The following MYO3B variants were observed in gnomAD, a reference collection of about 807,000 sequenced individuals.
The protein encoded by MYO3B is myosin IIIB.
A neutral mutation model predicts 174.6 loss-of-function variants in MYO3B; 156 were observed. That is an observed-to-expected ratio of 0.89 (90% CI 0.78 to 1.02). MYO3B has a LOEUF of 1.02. MYO3B is among the 50% of genes least tolerant of loss of function. MYO3B has a pLI of 0.00. For missense variants in MYO3B, 1,632 were observed against 1,639.4 expected, an observed-to-expected ratio of 1.00 and a Z score of 0.08; for synonymous variants, 563 against 569.1, an observed-to-expected ratio of 0.99 and a Z score of 0.15.
At chr2:170,273,380 C>A (rs1388382613) in intron 7 of MYO3B, among the ~76,000 whole-genome samples, 1 of 152,088 alleles carries the variant, frequency 6.6e-6, no homozygotes, top group African/African-American at 2.4e-5. Context: ...CTAGAATCCT[C>A]CTCTTGCCTC....
At chr2:170,381,116 T>A (rs914406268) in intron 9 of MYO3B, among the ~76,000 whole-genome samples, 1 of 151,992 alleles carries the variant, frequency 6.6e-6, no homozygotes, top group South Asian at 2.1e-4. Context: ...CAAGACCCCA[T>A]CTCTAAAAAT....
chr2:170,308,179 A>T (rs2093713403), intron 7 of MYO3B, among the ~76,000 whole-genome samples: 2 of 152,182 alleles, frequency 1.3e-5, no homozygotes, highest in Non-Finnish European at 2.9e-5. Context: ...TTGTCTCAGA[A>T]CATGCTGTGA....
chr2:170,363,602 C>T (rs1450709317), intron 8 of MYO3B, among the ~76,000 whole-genome samples: 1 of 152,168 alleles, frequency 6.6e-6, no homozygotes, highest in Non-Finnish European at 1.5e-5. Flanking sequence ...CTGCAAATGG[C>T]TGCAACAACC....
At chr2:170,479,038 C>T (rs981327355) in intron 25 of MYO3B, among the ~76,000 whole-genome samples, 1 of 150,360 alleles carries the variant, frequency 6.7e-6, no homozygotes, top group Non-Finnish European at 1.5e-5. Flanking sequence ...AATCCCAACA[C>T]TTTGGGAGGC....
At chr2:170,589,273 C>G (rs1030390460) in intron 32 of MYO3B, among the ~76,000 whole-genome samples, 1 of 151,978 alleles carries the variant, frequency 6.6e-6, no homozygotes, top group Non-Finnish European at 1.5e-5. Flanking sequence ...ACAAGAAAAC[C>G]TATAATGAAA....
At chr2:170,627,325 T>C (rs562532390) in intron 32 of MYO3B, among the ~76,000 whole-genome samples, 1 of 152,334 alleles carries the variant, frequency 6.6e-6, no homozygotes, top group African/African-American at 2.4e-5. Flanking sequence ...TGATACCCTT[T>C]CTTCCAGTTG....
intron 7 of MYO3B, among the ~76,000 whole-genome samples, chr2:170,329,837 CACAG>C (rs2093899417): frequency 6.6e-6 from 1 of 152,140 alleles, no homozygotes; most frequent in African/African-American, 2.4e-5. Flanking sequence ...GAGACACAGA[CACAG>C]ACACACGACT....
chr2:170,282,440 C>T (rs2093519114), intron 7 of MYO3B, among the ~76,000 whole-genome samples: 1 of 152,106 alleles, frequency 6.6e-6, no homozygotes, highest in Non-Finnish European at 1.5e-5. Context: ...TTGGGTTTAT[C>T]TTTATTCTGT....
intron 32 of MYO3B, among the ~76,000 whole-genome samples, chr2:170,632,496 T>C (rs1697087123): frequency 6.6e-6 from 1 of 152,038 alleles, no homozygotes; most frequent in Admixed American, 6.6e-5. Context: ...GAGGGAAACT[T>C]ACTTATAGCA....
rs923060404 is a variant in MYO3B at position 170,206,354 on chromosome 2, A to G, written c.321+6070A>G. 5.3e-5 allele frequency among the ~76,000 whole-genome samples: 8 copies of G among 152,132 alleles called. No individual in the cohort carries two copies. The highest frequency in any genetic ancestry group is 1.2e-4 in the Non-Finnish European group (8 of 68,032). Reference sequence around the variant, plus strand: ...TTCTTTGGTGCCACCACACTTCCTTAGGCACAGCTCTGCTTCCACATTCCA... The same window carrying G: ...TTCTTTGGTGCCACCACACTTCCTTGGGCACAGCTCTGCTTCCACATTCCA... On this transcript the variant is annotated intron_variant, in intron 3 of 34. Coordinates refer to ENST00000408978, the MANE Select transcript of MYO3B (RefSeq NM_138995.5). This position sits in a 1 kb window ranked among gnomAD's most constrained non-coding sequence, Gnocchi z 4.3.
At chr2:170,356,929 C>T (rs192243026) in intron 8 of MYO3B, among the ~76,000 whole-genome samples, 1 of 151,944 alleles carries the variant, frequency 6.6e-6, no homozygotes, top group Admixed American at 6.6e-5. Context: ...AGGTATGCAC[C>T]ACCACGGCCC....
intron 32 of MYO3B, chr2:170,650,067 C>G (rs1286342606): frequency 1.8e-5 from 2 of 108,950 alleles, no homozygotes; most frequent in African/African-American, 7.2e-5. Flanking sequence ...GAGTCTCACT[C>G]TGTCACCCAG....
intron 32 of MYO3B, among the ~76,000 whole-genome samples, chr2:170,574,568 G>A (rs1406330926): frequency 6.6e-6 from 1 of 152,050 alleles, no homozygotes; most frequent in African/African-American, 2.4e-5. Flanking sequence ...AGAAACACAT[G>A]GATCTAATTT....
chr2:170,594,463 A>C (rs1033784020), intron 32 of MYO3B, among the ~76,000 whole-genome samples: 18 of 152,302 alleles, frequency 1.2e-4, no homozygotes, highest in Non-Finnish European at 2.2e-4. Context: ...CTCTTCTAGT[A>C]AGCCAGTGTT....
chr2:170,210,790 C>T (rs369779169), intron 3 of MYO3B, among the ~76,000 whole-genome samples: 110 of 152,318 alleles, frequency 7.2e-4, no homozygotes, highest in African/African-American at 2.5e-3. Flanking sequence ...TGAACTAAAA[C>T]GTACCACAGC....
rs536981908 is a variant in MYO3B at position 170,544,707 on chromosome 2, G to A, written c.3733+719G>A. On this transcript the variant is annotated intron_variant, in intron 32 of 34. Transcript: ENST00000408978. ...TGTTTTTCGGTGACAAAGTAGCACAGTATGAAGTGGGAAATGCATAATAAA... is the reference window on the plus strand; with the variant it reads ...TGTTTTTCGGTGACAAAGTAGCACAATATGAAGTGGGAAATGCATAATAAA... Among the ~76,000 whole-genome samples the A allele has an allele frequency of 1.6e-4, 24 of 152,304 alleles. No individual in the cohort carries two copies. The South Asian group carries it at 3.7e-3, about 24-fold the overall frequency.
chr2:170,499,895 T>C (rs985653869), intron 27 of MYO3B, 87 bp downstream of exon 27: 27 of 1,309,400 alleles, frequency 2.1e-5, no homozygotes, highest in Non-Finnish European at 2.8e-5. Context: ...CTCTTCTAAG[T>C]GGTTTCCCTC....
chr2:170,399,242 CAA>C (rs71399532), intron 16 of MYO3B, among the ~76,000 whole-genome samples: 4 of 15,616 alleles, frequency 2.6e-4, no homozygotes, highest in African/African-American at 4.0e-4. Flanking sequence ...AATTCCGTCT[CAA>C]AAAAAAAAAA....
intron 32 of MYO3B, chr2:170,644,459 G>T (rs748567694): frequency 1.3e-5 from 2 of 152,064 alleles, no homozygotes; most frequent in Non-Finnish European, 2.9e-5. Flanking sequence ...GCTAATTTTT[G>T]TATTTTAAGT....
Sources: allele counts gnomAD v4.1 joint callset (sites outside exome capture counted in the v4.1 genomes callset), GRCh38; gene constraint gnomAD v4.1.1; non-coding constraint Gnocchi (gnomAD v3.1); transcripts MANE v1.5; gene names NCBI Gene and HGNC (gene_info 2026-07-23, HGNC 2026-07-21).